Variants in KIF18A observed in about 807,000 individuals in gnomAD.
KIF18A encodes kinesin family member 18A.
In KIF18A, 67 loss-of-function variants were observed where a neutral mutation model predicts 103.3. That is an observed-to-expected ratio of 0.65 (90% CI 0.53 to 0.79). KIF18A has a LOEUF of 0.79. Ranked by LOEUF, KIF18A falls within the 30% of genes least tolerant of loss-of-function variation. The pLI is 0.00. For synonymous variants in KIF18A, 367 were observed against 355.5 expected (o/e 1.03, Z -0.36); for missense variants, 1,032 against 1,062.5 (o/e 0.97, Z 0.40).
rs1851186596 is a variant in KIF18A, at chr11:28,083,150, A to C, written c.1149+19T>G. 1 of 1,572,876 alleles carries C rather than the reference A, an allele frequency of 6.4e-7. No individual in the cohort carries two copies. The highest frequency in any genetic ancestry group is 2.3e-5 in the East Asian group (1 of 43,928). ...TGAAGAACTGCGCAAGACTAGCATA[A>C]AAATATAAACAGACATACCTCTGCC... On this transcript the variant is annotated intron_variant, in intron 8 of 16. Coordinates refer to ENST00000263181, the MANE Select transcript of KIF18A (RefSeq NM_031217.4).
intron 6 of KIF18A, among the ~76,000 whole-genome samples, chr11:28,085,813 G>T (rs1851220564): frequency 6.6e-6 from 1 of 152,048 alleles, no homozygotes; most frequent in Non-Finnish European, 1.5e-5. Context: ...TCCGCACACG[G>T]GGAGGACACC....
chr11:28,087,313 A>C (rs1005993252), intron 6 of KIF18A, among the ~76,000 whole-genome samples: 36 of 151,934 alleles, frequency 2.4e-4, no homozygotes, highest in African/African-American at 8.7e-4. Flanking sequence ...ACTCCCACTT[A>C]TGAGTGAGAA....
chr11:28,102,415 A>G (rs1851457426), intron 1 of KIF18A, among the ~76,000 whole-genome samples: 1 of 152,102 alleles, frequency 6.6e-6, no homozygotes, highest in Non-Finnish European at 1.5e-5. Context: ...AAACCAACGT[A>G]TTTCTTAAAT....
intron 1 of KIF18A, among the ~76,000 whole-genome samples, chr11:28,104,124 G>A (rs537702759): frequency 6.6e-6 from 1 of 152,248 alleles, no homozygotes; most frequent in South Asian, 2.1e-4. Context: ...CCAGATTAAA[G>A]ATTCACCCCT....
intron 13 of KIF18A, among the ~76,000 whole-genome samples, chr11:28,055,798 C>T (rs1260628683): frequency 1.3e-5 from 2 of 152,030 alleles, no homozygotes; most frequent in African/African-American, 2.4e-5. Flanking sequence ...GACTGGCACA[C>T]AAAAAATTTG....
chr11:28,046,451 A>C (rs1850635077), intron 13 of KIF18A, among the ~76,000 whole-genome samples: 1 of 146,860 alleles, frequency 6.8e-6, no homozygotes, highest in Non-Finnish European at 1.5e-5. Context: ...CAAGAACAAA[A>C]AACCAAACAC....
intron 10 of KIF18A, among the ~76,000 whole-genome samples, chr11:28,071,711 T>C (rs1288704092): frequency 2.6e-5 from 4 of 152,112 alleles, no homozygotes; most frequent in Admixed American, 1.3e-4. Context: ...GAGCCACTGC[T>C]ATAACAGAAG....
chr11:28,022,522 C>T (rs546507626), intron 16 of KIF18A, among the ~76,000 whole-genome samples: 3 of 152,274 alleles, frequency 2.0e-5, no homozygotes, highest in Admixed American at 2.0e-4. Context: ...CCGCCTCAGC[C>T]TCCCAAAGTG....
At chr11:28,071,973 C>G (rs996135290) in intron 10 of KIF18A, among the ~76,000 whole-genome samples, 3 of 152,040 alleles carry the variant, frequency 2.0e-5, no homozygotes, top group Non-Finnish European at 4.4e-5. Context: ...CTAAATGAAA[C>G]CTCAAAAAGT....
intron 1 of KIF18A, among the ~76,000 whole-genome samples, chr11:28,103,364 A>G (rs1851468360): frequency 6.6e-6 from 1 of 151,952 alleles, no homozygotes; most frequent in Non-Finnish European, 1.5e-5. Flanking sequence ...TTCTGGTACC[A>G]AGCATTTTAT....
intron 10 of KIF18A, among the ~76,000 whole-genome samples, chr11:28,075,071 T>G (rs1851072021): frequency 6.6e-6 from 1 of 152,214 alleles, no homozygotes; most frequent in Non-Finnish European, 1.5e-5. Context: ...TAGATAATTC[T>G]CAACCACAAA....
Position 28,107,352 on chromosome 11 carries a change from GTA to G in KIF18A, c.-47+710_-47+711del, listed in dbSNP as rs544382790. On this transcript the variant is annotated intron_variant, in intron 1 of 16. Transcript: ENST00000263181. ...AACAGCAGTCAGTCTTGGCTTCTCT[GTA>G]ACTGAGTGACTAATGAGCTCCTAAA... is the stretch of plus-strand genomic sequence containing the variant. 1.5e-4 allele frequency among the ~76,000 whole-genome samples: 23 copies of G among 151,102 alleles called. No individual in the cohort carries two copies. In the East Asian group the frequency reaches 4.3e-3, roughly 28 times the overall value.
rs529442701 is a variant in KIF18A at position 28,031,116 on chromosome 11, C to T, written c.2504+4271G>A. On this transcript the variant is annotated intron_variant, in intron 15 of 16. Coordinates refer to ENST00000263181, the MANE Select transcript of KIF18A (RefSeq NM_031217.4). ...AAACTAGTTCAACCATTGTGGAAGACAGTGTGGCGATTTCTCAAGGATCTA... is the reference window on the plus strand; with the variant it reads ...AAACTAGTTCAACCATTGTGGAAGATAGTGTGGCGATTTCTCAAGGATCTA... Among the ~76,000 whole-genome samples, 257 of 152,234 alleles carry T rather than the reference C, an allele frequency of 1.7e-3. 1 individual carries two copies. The highest frequency in any genetic ancestry group is 3.2e-3 in the Non-Finnish European group (218 of 68,024).
intron 9 of KIF18A, 109 bp downstream of exon 9, chr11:28,082,747 C>T (rs1318697233): frequency 8.1e-6 from 5 of 619,378 alleles, no homozygotes; most frequent in Non-Finnish European, 1.4e-5. Context: ...TATAAACATA[C>T]ATATCTATGT....
rs60204007 is a variant in KIF18A, at chr11:28,047,056, GAAAAAA to G, written c.1949-10398_1949-10393del. On this transcript the variant is annotated intron_variant, in intron 13 of 16. Coordinates refer to ENST00000263181, the MANE Select transcript of KIF18A (RefSeq NM_031217.4). ...GCAACAAGAGCAACACTTCGTCTCAGAAAAAAAAAAAAAAAAAAAAAAGAGAAAGAA... is the reference window on the plus strand; with the variant it reads ...GCAACAAGAGCAACACTTCGTCTCAGAAAAAAAAAAAAAAAAGAGAAAGAA... 2.5e-4 allele frequency among the ~76,000 whole-genome samples: 18 copies of G among 71,140 alleles called. No homozygotes were observed. In the East Asian group the frequency reaches 5.0e-3, roughly 20 times the overall value. The allele number at this position is 71,140 out of a possible 152,430, so 46.7% of individuals were successfully genotyped here. A position where few individuals can be genotyped will look rare whatever the true frequency, so the allele number is the denominator to read the frequency against.
intron 9 of KIF18A, among the ~76,000 whole-genome samples, chr11:28,081,790 TTC>T (rs1253810812): frequency 6.6e-6 from 1 of 152,178 alleles, no homozygotes; most frequent in East Asian, 1.9e-4. Flanking sequence ...TGGATCATGC[TTC>T]TCTGACGGAT....
chr11:28,085,536 A>C (rs992491647), intron 6 of KIF18A, among the ~76,000 whole-genome samples: 2 of 152,166 alleles, frequency 1.3e-5, no homozygotes, highest in African/African-American at 4.8e-5. Flanking sequence ...ACACGGATGT[A>C]TGCGCCATCT....
intron 10 of KIF18A, among the ~76,000 whole-genome samples, chr11:28,070,487 C>T (rs1850998815): frequency 6.6e-6 from 1 of 152,114 alleles, no homozygotes; most frequent in South Asian, 2.1e-4. Context: ...CAGAGAGAAG[C>T]AGATTCCATT....
intron 13 of KIF18A, among the ~76,000 whole-genome samples, chr11:28,051,411 T>C (rs1051601695): frequency 2.6e-5 from 4 of 151,874 alleles, no homozygotes; most frequent in African/African-American, 7.2e-5. Flanking sequence ...AAAAACACAG[T>C]GGCTGTTAAG....
Sources: gnomAD v4.1 joint callset for allele counts (sites outside exome capture counted in the v4.1 genomes callset) on GRCh38, gnomAD v4.1.1 for gene constraint, MANE v1.5 for transcripts, NCBI Gene and HGNC (gene_info 2026-07-23, HGNC 2026-07-21) for gene names.